CTNNA3: variants seen among roughly 807,000 people sequenced by gnomAD.
CTNNA3 encodes catenin alpha 3.
A neutral mutation model predicts 95.7 loss-of-function variants in CTNNA3; 76 were observed. The ratio of observed to expected loss-of-function variants is 0.79; its 90% CI spans 0.66 to 0.96. The LOEUF is 0.96. Among genes scored for constraint, CTNNA3 ranks in the 40% least tolerant of loss-of-function variants. The pLI, the probability that CTNNA3 is intolerant of heterozygous loss-of-function variation, is 0.00. For missense variants in CTNNA3, 1,191 were observed against 1,089.8 expected (o/e 1.09, Z -1.31); for synonymous variants, 431 against 374.4 (o/e 1.15, Z -1.74).
chr10:67,270,260 A>C (rs979957399), intron 5 of CTNNA3, among the ~76,000 whole-genome samples: 5 of 152,116 alleles, frequency 3.3e-5, no homozygotes, highest in African/African-American at 1.2e-4. Flanking sequence ...GCATCTTGAC[A>C]TGTTGCTCTT....
At chr10:66,472,760 A>C (rs530943625) in intron 11 of CTNNA3, among the ~76,000 whole-genome samples, 12 of 152,124 alleles carry the variant, frequency 7.9e-5, no homozygotes, top group African/African-American at 2.6e-4. Context: ...CCAGTATGCA[A>C]GTTCCTGCTG....
chr10:67,210,673 A>G (rs1456134747), intron 6 of CTNNA3, among the ~76,000 whole-genome samples: 1 of 151,902 alleles, frequency 6.6e-6, no homozygotes, highest in African/African-American at 2.4e-5. Context: ...TTTGAAAGAT[A>G]TGCGTCCTCT....
intron 7 of CTNNA3, among the ~76,000 whole-genome samples, chr10:66,975,687 T>A (rs943693278): frequency 2.6e-5 from 4 of 152,136 alleles, no homozygotes; most frequent in Non-Finnish European, 5.9e-5. Flanking sequence ...CACAAGTTTA[T>A]CTGGTTCTCC....
chr10:67,196,137 G>A (rs1237654924), intron 6 of CTNNA3, among the ~76,000 whole-genome samples: 1 of 151,970 alleles, frequency 6.6e-6, no homozygotes, highest in Non-Finnish European at 1.5e-5. Context: ...ATTACCAATA[G>A]AAAATGCTAT....
At chr10:66,500,008 G>A (rs1193712042) in intron 11 of CTNNA3, among the ~76,000 whole-genome samples, 1 of 151,886 alleles carries the variant, frequency 6.6e-6, no homozygotes, top group Non-Finnish European at 1.5e-5. Flanking sequence ...TCACCATGTT[G>A]GCCAGGCTTG....
At chr10:66,632,555 C>CAAAAAAAAA (rs10559608) in intron 9 of CTNNA3, among the ~76,000 whole-genome samples, 1 of 100,956 alleles carries the variant, frequency 9.9e-6, no homozygotes. Flanking sequence ...AACTCCATCT[C>CAAAAAAAAA]AAAAAAAAAA....
chr10:66,103,143 T>C lies in CTNNA3; in HGVS notation c.1977+14A>G, dbSNP rs2081718002. 1.9e-6 allele frequency: 3 copies of C among 1,604,648 alleles called. No homozygotes were observed. In the South Asian group the frequency reaches 3.3e-5, roughly 18 times the overall value. On this transcript the variant is annotated intron_variant, in intron 14 of 17. Transcript: ENST00000433211. ...ACACAGTACATGGTTCTCCCACCAG[T>C]TGAAGTGACATACCCTATCAGTTTT...
chr10:67,634,735 C>A (rs540518714), intron 2 of CTNNA3, among the ~76,000 whole-genome samples: 3 of 152,230 alleles, frequency 2.0e-5, no homozygotes, highest in African/African-American at 7.2e-5. Flanking sequence ...CAAAGAAGGG[C>A]ATTACATAAT....
At chr10:67,047,327 T>C (rs190202458) in intron 7 of CTNNA3, among the ~76,000 whole-genome samples, 34 of 152,288 alleles carry the variant, frequency 2.2e-4, no homozygotes, top group African/African-American at 7.9e-4. Context: ...TTTCCAGAAA[T>C]TCCCTGTGCC....
intron 11 of CTNNA3, among the ~76,000 whole-genome samples, chr10:66,437,161 G>T (rs1205079356): frequency 6.6e-6 from 1 of 151,968 alleles, no homozygotes; most frequent in South Asian, 2.1e-4. Context: ...TGACAATTAT[G>T]TGTCTTGGGG....
intron 15 of CTNNA3, among the ~76,000 whole-genome samples, chr10:65,994,134 A>G (rs1366252099): frequency 8.5e-5 from 13 of 152,154 alleles, no homozygotes; most frequent in African/African-American, 3.1e-4. Context: ...TGTTTTGTGT[A>G]TACTTCGTTC....
At position 67,069,557 on chromosome 10, in the gene CTNNA3, G is replaced by GCCCCA. The variant is rs549930721; in HGVS notation, c.1047+110755_1047+110759dup. ...GATATTACAAGGTGTACAGCAGCCC[G>GCCCCA]CCCCACCCCACCCCACCCCACCCCA... On this transcript the variant is annotated intron_variant, in intron 7 of 17. Coordinates refer to ENST00000433211, the MANE Select transcript of CTNNA3 (RefSeq NM_013266.4). 2.1e-3 allele frequency among the ~76,000 whole-genome samples: 202 copies of GCCCCA among 96,358 alleles called. 1 individual carries two copies. Among genetic ancestry groups the GCCCCA allele is most frequent in the Non-Finnish European group, 2.6e-3 (125 of 47,286 alleles). The allele number at this position is 96,358 out of a possible 152,430, so 63.2% of individuals were successfully genotyped here.
At chr10:66,021,112 G>C (rs558195011) in intron 15 of CTNNA3, among the ~76,000 whole-genome samples, 2 of 152,012 alleles carry the variant, frequency 1.3e-5, no homozygotes, top group Non-Finnish European at 2.9e-5. Flanking sequence ...TTTTGTAAAC[G>C]TCTGTGATCT....
At chr10:66,151,395 G>A (rs2133906353) in intron 13 of CTNNA3, among the ~76,000 whole-genome samples, 1 of 152,004 alleles carries the variant, frequency 6.6e-6, no homozygotes, top group Non-Finnish European at 1.5e-5. Flanking sequence ...AATAGTATGT[G>A]CAAATATTAG....
chr10:67,318,941 G>C (rs1359803249), intron 5 of CTNNA3, among the ~76,000 whole-genome samples: 3 of 152,212 alleles, frequency 2.0e-5, no homozygotes, highest in African/African-American at 7.2e-5. Context: ...CTGGCATCTA[G>C]AAACTTGGGT....
intron 9 of CTNNA3, among the ~76,000 whole-genome samples, chr10:66,735,493 A>T (rs1290343465): frequency 1.3e-5 from 2 of 151,986 alleles, no homozygotes; most frequent in Non-Finnish European, 2.9e-5. Flanking sequence ...ATTTAATTTT[A>T]CATAATATTT....
rs116536318 is a variant in CTNNA3 at position 65,994,314 on chromosome 10, C to T, written c.2160-5517G>A. Among the ~76,000 whole-genome samples, 1,067 of 152,032 alleles carry T rather than the reference C, an allele frequency of 7.0e-3. 17 individuals carry two copies. Among genetic ancestry groups the T allele is most frequent in the African/African-American group, 0.024 (988 of 41,480 alleles). On this transcript the variant is annotated intron_variant, in intron 15 of 17. Coordinates refer to ENST00000433211, the MANE Select transcript of CTNNA3 (RefSeq NM_013266.4). ...ATATAAGAACCCTTTAAAGGAGTCACGAAAACAAAGGAAAGTAATAAATTT... is the reference window on the plus strand; with the variant it reads ...ATATAAGAACCCTTTAAAGGAGTCATGAAAACAAAGGAAAGTAATAAATTT...
intron 13 of CTNNA3, among the ~76,000 whole-genome samples, chr10:66,167,791 T>A (rs72795355): frequency 1.2e-4 from 19 of 152,048 alleles, no homozygotes; most frequent in African/African-American, 4.6e-4. Flanking sequence ...GGGTACAAAC[T>A]TCCTAGACTG....
intron 12 of CTNNA3, among the ~76,000 whole-genome samples, chr10:66,352,513 C>A (rs2092574518): frequency 6.6e-6 from 1 of 152,064 alleles, no homozygotes; most frequent in Non-Finnish European, 1.5e-5. Context: ...TGGTTCTCAG[C>A]ACTGCATTGC....
Sources: gnomAD v4.1 joint callset for allele counts (sites outside exome capture counted in the v4.1 genomes callset) on GRCh38, gnomAD v4.1.1 for gene constraint, MANE v1.5 for transcripts, NCBI Gene and HGNC (gene_info 2026-07-23, HGNC 2026-07-21) for gene names.